The following CLEC16A variants were observed in gnomAD, a reference collection of about 807,000 sequenced individuals.
CLEC16A encodes protein CLEC16A.
In CLEC16A, 51 loss-of-function variants were observed where a neutral mutation model predicts 109.5. The observed-to-expected ratio is 0.47, with a 90% confidence interval of 0.37 to 0.59. The LOEUF (loss-of-function observed/expected upper bound fraction) is 0.59, where lower values mean the gene tolerates loss of function less well. Among genes scored for constraint, CLEC16A ranks in the 20% least tolerant of loss-of-function variants. The pLI is 0.00. For synonymous variants in CLEC16A, 673 were observed against 564.2 expected (o/e 1.19, Z -2.73); for missense variants, 1,339 against 1,394.0 (o/e 0.96, Z 0.63).
intron 22 of CLEC16A, chr16:11,156,426 G>T: frequency 3.3e-6 from 1 of 302,094 alleles, no homozygotes; most frequent in Non-Finnish European, 6.5e-6. Flanking sequence ...CCAGAACCTT[G>T]GGGGGCCATC....
rs2042226983 is a variant in CLEC16A, at chr16:10,961,018, A to G, written c.210-1437A>G. Among the ~76,000 whole-genome samples the G allele has an allele frequency of 1.3e-5, 2 of 152,144 alleles. No individual in the cohort carries two copies. The highest frequency in any genetic ancestry group is 2.4e-5 in the African/African-American group (1 of 41,416). ...CCACTCCCCTATGGAGTTTTAAAAA[A>G]TCTAGGTTCATGGATTTTATGCTAG... On this transcript the variant is annotated intron_variant, in intron 2 of 23. Transcript: ENST00000409790. This position sits in a 1 kb window ranked among gnomAD's most constrained non-coding sequence, Gnocchi z 4.3.
chr16:11,094,813 A>G (rs1306639915), intron 19 of CLEC16A, among the ~76,000 whole-genome samples: 10 of 152,264 alleles, frequency 6.6e-5, no homozygotes, highest in Non-Finnish European at 2.9e-5. Flanking sequence ...ATTTAAATCA[A>G]TAAAGCCTGT....
intron 18 of CLEC16A, among the ~76,000 whole-genome samples, chr16:11,060,277 C>A (rs1255505562): frequency 1.3e-5 from 2 of 152,178 alleles, no homozygotes; most frequent in Non-Finnish European, 2.9e-5. Flanking sequence ...TCTGCCCCGT[C>A]AGCAGCACAC....
At position 11,180,350 on chromosome 16, in the gene CLEC16A, A is replaced by T. The variant is rs930538259; in HGVS notation, c.*1660A>T. On this transcript the variant is annotated 3_prime_UTR_variant, in exon 24 of 24. Coordinates refer to ENST00000409790, the MANE Select transcript of CLEC16A (RefSeq NM_015226.3). ...GTGCCCACCCAGCCTTCATGGCTGC[A>T]GGTACAAGGACCTTTGCTTCCATAG... 8 of 152,324 alleles carry T rather than the reference A, an allele frequency of 5.3e-5. No homozygotes were observed. Among genetic ancestry groups the T allele is most frequent in the African/African-American group, 1.9e-4 (8 of 41,470 alleles). The allele number at this position is 152,324 out of a possible 1,614,324, so 9.4% of individuals were successfully genotyped here.
chr16:11,161,344 AG>A (rs1404941902), intron 22 of CLEC16A, among the ~76,000 whole-genome samples: 3 of 152,228 alleles, frequency 2.0e-5, no homozygotes, highest in Non-Finnish European at 4.4e-5. Context: ...GACTCCTCCC[AG>A]GCTAATGCTG....
chr16:11,164,370 A>G (rs1170695528), intron 22 of CLEC16A, among the ~76,000 whole-genome samples: 1 of 152,224 alleles, frequency 6.6e-6, no homozygotes, highest in East Asian at 1.9e-4. Flanking sequence ...TCTTTAGACG[A>G]AAACAGCTTC....
At chr16:11,164,394 T>A (rs2054830597) in intron 22 of CLEC16A, among the ~76,000 whole-genome samples, 1 of 151,978 alleles carries the variant, frequency 6.6e-6, no homozygotes, top group African/African-American at 2.4e-5. Flanking sequence ...TGAACCTGAG[T>A]GGAAATAGCC....
At chr16:11,076,314 C>T (rs1010703278) in intron 19 of CLEC16A, among the ~76,000 whole-genome samples, 5 of 152,240 alleles carry the variant, frequency 3.3e-5, no homozygotes, top group East Asian at 3.8e-4. Flanking sequence ...CCAAAACCCC[C>T]ACTCTGCCCC....
intron 22 of CLEC16A, among the ~76,000 whole-genome samples, chr16:11,155,212 G>A (rs892569692): frequency 5.9e-5 from 9 of 152,072 alleles, no homozygotes; most frequent in Non-Finnish European, 1.3e-4. Context: ...TCAAAACAGC[G>A]AGTGCTACCT....
Position 10,995,771 on chromosome 16 carries a change from G to C in CLEC16A, c.1072-7303G>C, listed in dbSNP as rs184646432. Among the ~76,000 whole-genome samples, 262 of 152,270 alleles carry C rather than the reference G, an allele frequency of 1.7e-3. 3 individuals are homozygous for C. Among genetic ancestry groups the C allele is most frequent in the Non-Finnish European group, 6.6e-4 (45 of 68,030 alleles). On this transcript the variant is annotated intron_variant, in intron 10 of 23. Coordinates refer to ENST00000409790, the MANE Select transcript of CLEC16A (RefSeq NM_015226.3). ...GTAGAATGTGGGTCTCAGACTTGGG[G>C]CCAGGTCTGCCTGGGCATGTTTTTT...
At position 11,139,870 on chromosome 16, in the gene CLEC16A, T is replaced by G. The variant is rs80280401; in HGVS notation, c.2641+13724T>G. On this transcript the variant is annotated intron_variant, in intron 22 of 23. Coordinates refer to ENST00000409790, the MANE Select transcript of CLEC16A (RefSeq NM_015226.3). ...CTTATTTAAGGTCCCAGGATAAAAA[T>G]CCTATTTATTGAATGCCAACTATGT... Among the ~76,000 whole-genome samples, 1,086 of 152,324 alleles carry G rather than the reference T, an allele frequency of 7.1e-3. 14 individuals are homozygous for G. Among genetic ancestry groups the G allele is most frequent in the African/African-American group, 0.024 (1,015 of 41,564 alleles).
chr16:11,130,994 C>G (rs2053169735), intron 22 of CLEC16A, among the ~76,000 whole-genome samples: 1 of 152,090 alleles, frequency 6.6e-6, no homozygotes, highest in African/African-American at 2.4e-5. Flanking sequence ...GGTGACTAGC[C>G]ACTTTGGTGT....
At chr16:11,116,238 A>T (rs376834394) in intron 19 of CLEC16A, among the ~76,000 whole-genome samples, 7 of 151,902 alleles carry the variant, frequency 4.6e-5, no homozygotes, top group African/African-American at 1.4e-4. Flanking sequence ...AAAAATAAAA[A>T]AAAAAAAATA....
chr16:10,962,328 A>G, intron 2 of CLEC16A, 127 bp from the exon 3 acceptor site: 1 of 1,053,136 alleles, frequency 9.5e-7, no homozygotes, highest in Non-Finnish European at 1.4e-6. Flanking sequence ...AATGGGTGGC[A>G]TGACCTGTGC....
At chr16:11,027,938 C>T (rs1049116049) in intron 13 of CLEC16A, among the ~76,000 whole-genome samples, 31 of 152,318 alleles carry the variant, frequency 2.0e-4, no homozygotes, top group African/African-American at 6.7e-4. Context: ...TTGTGGCTCA[C>T]GCCCGTAATC....
chr16:11,061,787 C>G (rs1485651530), intron 19 of CLEC16A, among the ~76,000 whole-genome samples: 12 of 152,210 alleles, frequency 7.9e-5, no homozygotes, highest in Admixed American at 7.9e-4. Context: ...GCTGATGTCA[C>G]TGGGAAGTCC....
At chr16:11,133,790 C>G (rs2053388869) in intron 22 of CLEC16A, among the ~76,000 whole-genome samples, 1 of 151,732 alleles carries the variant, frequency 6.6e-6, no homozygotes, top group Admixed American at 6.6e-5. Flanking sequence ...GCAAAAAATA[C>G]CCTTTCTGGA....
intron 10 of CLEC16A, among the ~76,000 whole-genome samples, chr16:10,986,988 G>A (rs144318562): frequency 2.0e-4 from 30 of 152,024 alleles, no homozygotes; most frequent in African/African-American, 7.0e-4. Context: ...GAATAGCTGG[G>A]ACTACAGGCA....
At chr16:11,139,310 C>T (rs528488009) in intron 22 of CLEC16A, among the ~76,000 whole-genome samples, 15 of 152,352 alleles carry the variant, frequency 9.8e-5, no homozygotes, top group African/African-American at 3.6e-4. Flanking sequence ...CCTGGCACCT[C>T]TGCTGAGGTT....
Sources: gnomAD v4.1 joint callset for allele counts (sites outside exome capture counted in the v4.1 genomes callset) on GRCh38, gnomAD v4.1.1 for gene constraint, Gnocchi (gnomAD v3.1) non-coding constraint, MANE v1.5 for transcripts, NCBI Gene and HGNC (gene_info 2026-07-23, HGNC 2026-07-21) for gene names.